Variants in RORA observed in about 807,000 individuals in gnomAD.
RORA encodes nuclear receptor ROR-alpha.
In RORA, 7 loss-of-function variants were observed where a neutral mutation model predicts 69.5. That is an observed-to-expected ratio of 0.10 (90% CI 0.06 to 0.19). The LOEUF (loss-of-function observed/expected upper bound fraction) is 0.19. Among genes scored for constraint, RORA ranks in the 10% least tolerant of loss-of-function variants. The probability of loss-of-function intolerance (pLI) is 1.00; values close to 1 mark genes in which losing one functional copy is unlikely to be tolerated. For synonymous variants in RORA, 261 were observed against 240.8 expected (o/e 1.08, Z -0.78); for missense variants, 457 against 663.0 (o/e 0.69, Z 3.41).
intron 10 of RORA, among the ~76,000 whole-genome samples, chr15:60,498,990 C>T (rs1406261791): frequency 1.3e-5 from 2 of 151,996 alleles, no homozygotes; most frequent in African/African-American, 4.8e-5. Context: ...ATACATACTA[C>T]TAGCAATGGC....
chr15:60,890,921 C>A (rs117324571), intron 1 of RORA, among the ~76,000 whole-genome samples: 1 of 152,128 alleles, frequency 6.6e-6, no homozygotes, highest in Non-Finnish European at 1.5e-5. Context: ...AATAGTGGGA[C>A]GAGAAAGCTT....
At chr15:60,926,551 T>C (rs1892224696) in intron 1 of RORA, among the ~76,000 whole-genome samples, 1 of 152,250 alleles carries the variant, frequency 6.6e-6, no homozygotes, top group East Asian at 1.9e-4. Context: ...AGAGGGTATT[T>C]GGCTATAATA....
chr15:60,720,339 C>G (rs971700299), intron 1 of RORA, among the ~76,000 whole-genome samples: 2 of 152,154 alleles, frequency 1.3e-5, no homozygotes, highest in African/African-American at 4.8e-5. Flanking sequence ...TGCGAGAGTC[C>G]TATTTGGGTT....
In RORA at chr15:61,149,905, G is replaced by T. The variant is rs564426058; in HGVS notation, c.166+79148C>A. ...TTGACTTAAGGAAAGAACAGATATC[G>T]GACTGGGAGTCAAGAATTACTGGTG... On this transcript the variant is annotated intron_variant, in intron 1 of 10. Transcript: ENST00000335670. Among the ~76,000 whole-genome samples the T allele has an allele frequency of 9.2e-5, 14 of 152,218 alleles. 1 individual carries two copies. The East Asian group carries it at 2.7e-3, about 29-fold the overall frequency.
chr15:61,043,249 C>T (rs2140476769), intron 1 of RORA, among the ~76,000 whole-genome samples: 1 of 152,288 alleles, frequency 6.6e-6, no homozygotes, highest in East Asian at 1.9e-4. Flanking sequence ...AACACTCTAA[C>T]CCACAGGGCC....
At chr15:60,943,561 G>A (rs964352380) in intron 1 of RORA, among the ~76,000 whole-genome samples, 9 of 145,282 alleles carry the variant, frequency 6.2e-5, no homozygotes, top group African/African-American at 1.6e-4. Context: ...ATGTGGACCC[G>A]CATTCAGTTC....
At chr15:60,769,062 C>T (rs12591781) in intron 1 of RORA, among the ~76,000 whole-genome samples, 60,261 of 152,024 alleles carry the variant, frequency 0.4, 13,530 homozygotes, top group Non-Finnish European at 0.5. Context: ...GATTGGTGTA[C>T]GCTAGCGACC....
At chr15:61,010,083 G>A (rs1895040943) in intron 1 of RORA, among the ~76,000 whole-genome samples, 1 of 152,158 alleles carries the variant, frequency 6.6e-6, no homozygotes, top group Non-Finnish European at 1.5e-5. Context: ...AGGCAGGGAG[G>A]AACAAGCTTA....
intron 1 of RORA, among the ~76,000 whole-genome samples, chr15:61,018,662 A>G (rs960708652): frequency 2.0e-5 from 3 of 152,176 alleles, no homozygotes; most frequent in African/African-American, 7.2e-5. Context: ...GCTCATATAT[A>G]ACATGTGCAT....
intron 1 of RORA, among the ~76,000 whole-genome samples, chr15:61,228,477 CCCCGGAG>C (rs2080169002): frequency 6.6e-6 from 1 of 151,364 alleles, no homozygotes; most frequent in Non-Finnish European, 1.5e-5. Context: ...CGCCCCCAGA[CCCCGGAG>C]CGCCCCCTCT....
At position 60,857,782 on chromosome 15, in the gene RORA, T is replaced by C. The variant is rs543827233; in HGVS notation, c.167-179096A>G. On this transcript the variant is annotated intron_variant, in intron 1 of 10. Transcript: ENST00000335670. ...AAAATGATTAGTACCGAAGAGAAGC[T>C]GGCAACAAAGAACTTTGGTTTCTGA... is the stretch of plus-strand genomic sequence containing the variant. Among the ~76,000 whole-genome samples, 3 of 152,230 alleles carry C rather than the reference T, an allele frequency of 2.0e-5. No individual in the cohort carries two copies. In the South Asian group the frequency reaches 6.2e-4, roughly 31 times the overall value.
At chr15:60,819,977 G>C (rs1209997410) in intron 1 of RORA, among the ~76,000 whole-genome samples, 4 of 152,214 alleles carry the variant, frequency 2.6e-5, no homozygotes, top group African/African-American at 7.2e-5. Context: ...GATGCCCCAG[G>C]GCAGTCTGGA....
intron 1 of RORA, among the ~76,000 whole-genome samples, chr15:60,921,914 G>C (rs1892058953): frequency 6.6e-6 from 1 of 152,094 alleles, no homozygotes; most frequent in African/African-American, 2.4e-5. Flanking sequence ...TTAAAAATGT[G>C]ATGGACAATA....
intron 2 of RORA, among the ~76,000 whole-genome samples, chr15:60,607,275 C>T (rs2068968987): frequency 6.6e-6 from 1 of 152,174 alleles, no homozygotes; most frequent in African/African-American, 2.4e-5. Context: ...GTTATAATGA[C>T]TTTGAATCAC....
At chr15:60,947,499 TC>T (rs1240904091) in intron 1 of RORA, among the ~76,000 whole-genome samples, 1 of 151,710 alleles carries the variant, frequency 6.6e-6, no homozygotes, top group Non-Finnish European at 1.5e-5. Flanking sequence ...GGCAGCATGC[TC>T]GTTAAGAGTC....
At chr15:60,633,479 A>G (rs185144855) in intron 2 of RORA, among the ~76,000 whole-genome samples, 2 of 152,344 alleles carry the variant, frequency 1.3e-5, no homozygotes, top group East Asian at 1.9e-4. Flanking sequence ...CCCTATCTCT[A>G]TAAAATGAAT....
At chr15:60,924,430 T>A (rs1372157279) in intron 1 of RORA, among the ~76,000 whole-genome samples, 1 of 150,032 alleles carries the variant, frequency 6.7e-6, no homozygotes, top group Non-Finnish European at 1.5e-5. Flanking sequence ...AAGTTACACA[T>A]ACTATAGTCC....
rs182063472 is a variant in RORA at position 60,718,625 on chromosome 15, A to G, written c.167-39939T>C. ...TGTTGCAAACTGACTTTAAAAGACTAACTAGAGCCAGAGTGGAGTAGTGAG... is the reference window on the plus strand; with the variant it reads ...TGTTGCAAACTGACTTTAAAAGACTGACTAGAGCCAGAGTGGAGTAGTGAG... On this transcript the variant is annotated intron_variant, in intron 1 of 10. Transcript: ENST00000335670. 2.8e-4 allele frequency among the ~76,000 whole-genome samples: 43 copies of G among 152,302 alleles called. No individual in the cohort carries two copies. In the East Asian group the frequency reaches 6.0e-3, roughly 21 times the overall value.
intron 1 of RORA, among the ~76,000 whole-genome samples, chr15:60,946,808 C>T (rs1040326920): frequency 8.6e-5 from 13 of 152,022 alleles, no homozygotes; most frequent in African/African-American, 2.4e-4. Flanking sequence ...GCCACCATCC[C>T]GTCTAGGAAG....
Sources: gnomAD v4.1 joint callset for allele counts (sites outside exome capture counted in the v4.1 genomes callset) on GRCh38, gnomAD v4.1.1 for gene constraint, MANE v1.5 for transcripts, NCBI Gene and HGNC (gene_info 2026-07-23, HGNC 2026-07-21) for gene names.